ANO10: variants seen among roughly 807,000 people sequenced by gnomAD.
The protein encoded by ANO10 is anoctamin 10, also known as anoctamin-10.
In ANO10, 77 loss-of-function variants were observed where a neutral mutation model predicts 74.7. That is an observed-to-expected ratio of 1.03 (90% confidence interval 0.86 to 1.25). ANO10 has a LOEUF of 1.25. Among genes scored for constraint, ANO10 ranks in the 50% most tolerant of loss-of-function variants. ANO10 has a pLI of 0.00. For synonymous variants in ANO10, 279 were observed against 284.9 expected, an observed-to-expected ratio of 0.98 and a Z score of 0.21; for missense variants, 721 against 778.1, an observed-to-expected ratio of 0.93 and a Z score of 0.87.
intron 12 of ANO10, among the ~76,000 whole-genome samples, chr3:43,380,228 G>T (rs999949894): frequency 2.0e-5 from 3 of 152,150 alleles, no homozygotes. Context: ...TCTCAAGGAA[G>T]AAGAGAAATC....
rs191115425 is a variant in ANO10 at position 43,544,974 on chromosome 3, T to G, written c.1797+4746A>C. On this transcript the variant is annotated intron_variant, in intron 11 of 12. Coordinates refer to ENST00000292246, the MANE Select transcript of ANO10 (RefSeq NM_018075.5). ...TGTTACATTTTCTAAGTCGTGTTTG[T>G]TCTGTTAACAAATTCTAATCATGTA... is the stretch of plus-strand genomic sequence containing the variant. Among the ~76,000 whole-genome samples the G allele has an allele frequency of 7.9e-4, 120 of 152,288 alleles. 1 individual carries two copies. The highest frequency in any genetic ancestry group is 1.3e-3 in the African/African-American group (54 of 41,570).
intron 11 of ANO10, among the ~76,000 whole-genome samples, chr3:43,480,832 T>C (rs2076238464): frequency 6.6e-6 from 1 of 152,114 alleles, no homozygotes. Flanking sequence ...AAAGAATCAA[T>C]GATAGGTACA....
At chr3:43,552,318 G>T (rs1277094592) in intron 10 of ANO10, among the ~76,000 whole-genome samples, 5 of 152,054 alleles carry the variant, frequency 3.3e-5, no homozygotes, top group African/African-American at 4.8e-5. Context: ...ACTTTGGAAG[G>T]CCAAGGTGGT....
intron 11 of ANO10, among the ~76,000 whole-genome samples, chr3:43,544,622 G>C (rs183930560): frequency 6.6e-6 from 1 of 151,814 alleles, no homozygotes; most frequent in East Asian, 1.9e-4. Context: ...GTGAAACCCC[G>C]TCTCTACTAA....
At chr3:43,485,364 TTG>T in intron 11 of ANO10, 2 of 468,676 alleles carry the variant, frequency 4.3e-6, no homozygotes, top group Non-Finnish European at 7.9e-6. Context: ...GAGGCGCCCA[TTG>T]CCGCTCCTGA....
intron 1 of ANO10, among the ~76,000 whole-genome samples, chr3:43,608,981 C>T (rs996474479): frequency 1.3e-5 from 2 of 152,110 alleles, no homozygotes; most frequent in Non-Finnish European, 2.9e-5. Flanking sequence ...ATAGGAACTC[C>T]CCTACCGCCT....
At chr3:43,593,976 AC>A (rs1391581717) in intron 4 of ANO10, among the ~76,000 whole-genome samples, 1 of 152,208 alleles carries the variant, frequency 6.6e-6, no homozygotes. Context: ...CTCTGATAAA[AC>A]AGACTTTAAA....
At chr3:43,456,202 T>C (rs1405175137) in intron 11 of ANO10, among the ~76,000 whole-genome samples, 2 of 152,084 alleles carry the variant, frequency 1.3e-5, no homozygotes, top group Middle Eastern at 3.2e-3. Flanking sequence ...GCTACAAAAA[T>C]AGAATCTTCA....
chr3:43,615,367 T>TTGTG (rs10662980), intron 1 of ANO10, among the ~76,000 whole-genome samples: 2,157 of 151,284 alleles, frequency 0.014, 22 homozygotes, highest in Admixed American at 0.029. Context: ...CATCAAGCTA[T>TTGTG]TGTGTGTGTG....
chr3:43,383,080 A>G (rs2092013990), intron 12 of ANO10, among the ~76,000 whole-genome samples: 1 of 152,206 alleles, frequency 6.6e-6, no homozygotes, highest in South Asian at 2.1e-4. Flanking sequence ...AAAGAAAACT[A>G]CAGACCAATA....
chr3:43,602,785 C>T (rs1307057252), intron 2 of ANO10, among the ~76,000 whole-genome samples: 2 of 152,194 alleles, frequency 1.3e-5, no homozygotes, highest in Admixed American at 6.5e-5. Context: ...TTATATGGAG[C>T]TCATCAAGGA....
chr3:43,678,832 T>A (rs539013484), intron 1 of ANO10, among the ~76,000 whole-genome samples: 1 of 152,348 alleles, frequency 6.6e-6, no homozygotes, highest in Non-Finnish European at 1.5e-5. Context: ...CTTTTCTTTA[T>A]GGAAAATATT....
intron 11 of ANO10, among the ~76,000 whole-genome samples, chr3:43,521,685 T>C (rs577917338): frequency 6.6e-6 from 1 of 152,252 alleles, no homozygotes; most frequent in South Asian, 2.1e-4. Flanking sequence ...CCCTCGTACG[T>C]TGCTGATGGG....
At chr3:43,513,257 G>C (rs1022999025) in intron 11 of ANO10, among the ~76,000 whole-genome samples, 1 of 152,166 alleles carries the variant, frequency 6.6e-6, no homozygotes, top group East Asian at 1.9e-4. Context: ...ACCAGAGAGA[G>C]TGTTTGGAAG....
chr3:43,549,326 A>AT (rs949110273), intron 11 of ANO10, among the ~76,000 whole-genome samples: 3 of 151,996 alleles, frequency 2.0e-5, no homozygotes, highest in African/African-American at 7.3e-5. Context: ...TAATTTTTAA[A>AT]TTTTTTGTGG....
chr3:43,647,153 ATGTGTGTGTGTGTG>A lies in ANO10; in HGVS notation c.-11-41304_-11-41291del, dbSNP rs57290936. Among the ~76,000 whole-genome samples the A allele has an allele frequency of 1.7e-3, 238 of 141,886 alleles. 1 individual carries two copies. The highest frequency in any genetic ancestry group is 5.6e-3 in the African/African-American group (213 of 38,170). 93.1% of individuals were successfully genotyped at this position (141,886 alleles called of 152,430 possible). A position where few individuals can be genotyped will look rare whatever the true frequency, so the allele number is the denominator to read the frequency against. On this transcript the variant is annotated intron_variant, in intron 1 of 3. Transcript: ENST00000413397. ...CAGAACCAAAAAGATATGTGTATAT[ATGTGTGTGTGTGTG>A]TGTGTGTGTGTGTGTGTGTGTGTGT...
At chr3:43,525,012 G>A (rs1446795885) in intron 11 of ANO10, among the ~76,000 whole-genome samples, 1 of 152,174 alleles carries the variant, frequency 6.6e-6, no homozygotes, top group Non-Finnish European at 1.5e-5. Context: ...GGGTATGAGT[G>A]AGAACCATCC....
At chr3:43,601,174 T>G (rs182255651) in intron 2 of ANO10, among the ~76,000 whole-genome samples, 73 of 152,320 alleles carry the variant, frequency 4.8e-4, no homozygotes, top group African/African-American at 1.7e-3. Context: ...ACTTAAAAGA[T>G]TATAAAGAAA....
chr3:43,685,937 T>C (rs1388288549), intron 1 of ANO10, among the ~76,000 whole-genome samples: 2 of 152,272 alleles, frequency 1.3e-5, no homozygotes, highest in Non-Finnish European at 2.9e-5. Context: ...GATTTTGATG[T>C]GGCTAAATTA....
Sources: allele counts gnomAD v4.1 joint callset (sites outside exome capture counted in the v4.1 genomes callset), GRCh38; gene constraint gnomAD v4.1.1; transcripts MANE v1.5; gene names NCBI Gene and HGNC (gene_info 2026-07-23, HGNC 2026-07-21).